PLA2G4F: variants seen among roughly 807,000 people sequenced by gnomAD.
PLA2G4F encodes cytosolic phospholipase A2 zeta.
A neutral mutation model predicts 103.1 loss-of-function variants in PLA2G4F; 105 were observed. The observed-to-expected ratio is 1.02, with a 90% CI of 0.87 to 1.20. The LOEUF is 1.20. PLA2G4F is among the 50% of genes most tolerant of loss of function. The pLI is 0.00. For missense variants in PLA2G4F, 1,155 were observed against 1,075.9 expected (o/e 1.07, Z -1.03); for synonymous variants, 468 against 441.1 (o/e 1.06, Z -0.76).
chr15:42,140,774 G>T lies in PLA2G4F; in HGVS notation c.*1210C>A, dbSNP rs528628648. The T allele has an allele frequency of 3.8e-4, 62 of 164,078 alleles. No individual in the cohort carries two copies. In the South Asian group the frequency reaches 0.01, roughly 27 times the overall value. The allele number at this position is 164,078 out of a possible 1,614,324, so 10.2% of individuals were successfully genotyped here. On this transcript the variant is annotated 3_prime_UTR_variant, in exon 20 of 20. Coordinates refer to ENST00000397272, the MANE Select transcript of PLA2G4F (RefSeq NM_213600.4). Reference sequence around the variant, plus strand: ...TGTGTGAGAGAGCATGGAGCAGGGGGTGCAGCCAAGAGGGAGCCCCTGGGA... The same window carrying T: ...TGTGTGAGAGAGCATGGAGCAGGGGTTGCAGCCAAGAGGGAGCCCCTGGGA...
At chr15:42,156,398 TC>T (rs1265328022) in intron 1 of PLA2G4F, 40 bp downstream of exon 1, 1 of 1,511,216 alleles carries the variant, frequency 6.6e-7, no homozygotes, top group Non-Finnish European at 9.0e-7. Context: ...CTCCCAGGAC[TC>T]CCCCAGTCCG....
intron 18 of PLA2G4F, 82 bp from the exon 19 acceptor site, chr15:42,142,796 T>C: frequency 1.4e-6 from 2 of 1,406,726 alleles, no homozygotes; most frequent in Non-Finnish European, 2.0e-6. Flanking sequence ...CGCCCAGGCT[T>C]CAATGCCAGC....
At chr15:42,147,003 A>T (rs958068962) in intron 13 of PLA2G4F, 121 bp downstream of exon 13, 1 of 980,800 alleles carries the variant, frequency 1.0e-6, no homozygotes, top group East Asian at 2.6e-5. Context: ...GCCCCAGGGG[A>T]GCCGAGAGCT....
intron 2 of PLA2G4F, among the ~76,000 whole-genome samples, 184 bp downstream of exon 2, chr15:42,155,321 TACTCACACTTGC>T (rs2049005381): frequency 6.6e-6 from 1 of 151,066 alleles, no homozygotes; most frequent in Admixed American, 6.6e-5. Context: ...TATACACATG[TACTCACACTTGC>T]ACTCACACAT....
At chr15:42,151,089 T>C (rs897143783) in intron 7 of PLA2G4F, 39 of 985,328 alleles carry the variant, frequency 4.0e-5, no homozygotes, top group Non-Finnish European at 4.7e-5. Context: ...TGATTTGAGA[T>C]GATTCTATGT....
At position 42,152,699 on chromosome 15, in the gene PLA2G4F, C is replaced by G. The variant is rs767005408; in HGVS notation, c.590G>C (p.Arg197Pro). 6.4e-7 allele frequency: 1 copy of G among 1,556,530 alleles called. No homozygotes were observed. The highest frequency in any genetic ancestry group is 8.7e-7 in the Non-Finnish European group (1 of 1,149,416). ...GTLRGDGTAP[R>P]EEYGSRQLQL... ...CTGAGCAGACTCACCGTACTCTTCC[C>G]GTGGGGCTGTCCCATCTCCCCGGAG... The change falls in exon 7 of 20, where the codon CGG becomes CCG. Residue 197 changes from arginine to proline, a missense_variant. This residue lies in a region of PLA2G4F where 370 missense variants were observed against 364.9 expected (regional missense o/e 1.01). Coordinates refer to ENST00000397272, the MANE Select transcript of PLA2G4F (RefSeq NM_213600.4).
intron 10 of PLA2G4F, 96 bp from the exon 11 acceptor site, chr15:42,149,944 G>A: frequency 6.5e-7 from 1 of 1,535,720 alleles, no homozygotes; most frequent in Non-Finnish European, 9.0e-7. Context: ...ACAGGAGCAG[G>A]TCCAAGGGAT....
At chr15:42,154,753 G>GT (rs973432549) in intron 2 of PLA2G4F, among the ~76,000 whole-genome samples, 1 of 152,124 alleles carries the variant, frequency 6.6e-6, no homozygotes, top group Non-Finnish European at 1.5e-5. Context: ...TCCCCTCCCT[G>GT]TGTGGGCACT....
At position 42,148,565 on chromosome 15, in the gene PLA2G4F, A is replaced by G. The variant is rs1595620883; in HGVS notation, c.1060-803T>C. 7 of 944,136 alleles carry G rather than the reference A, an allele frequency of 7.4e-6. No individual in the cohort carries two copies. In the African/African-American group the frequency reaches 8.9e-5, roughly 12 times the overall value. 58.5% of individuals were successfully genotyped at this position (944,136 alleles called of 1,614,324 possible). A position where few individuals can be genotyped will look rare whatever the true frequency, so the allele number is the denominator to read the frequency against. On this transcript the variant is annotated intron_variant, in intron 11 of 19. Coordinates refer to ENST00000397272, the MANE Select transcript of PLA2G4F (RefSeq NM_213600.4). ...CAGCAACAATGAAATCGATCTCTAC[A>G]CATGGATGAATGTCCCCAGGGGTGC...
intron 6 of PLA2G4F, among the ~76,000 whole-genome samples, chr15:42,153,085 C>T (rs1250478768): frequency 6.6e-6 from 1 of 152,224 alleles, no homozygotes; most frequent in Non-Finnish European, 1.5e-5. Context: ...AAGTGAGTAA[C>T]GTGCTGTGTG....
intron 7 of PLA2G4F, among the ~76,000 whole-genome samples, chr15:42,152,450 C>T (rs2048970361): frequency 6.6e-6 from 1 of 152,216 alleles, no homozygotes; most frequent in Non-Finnish European, 1.5e-5. Context: ...GCTTGTATGC[C>T]ACTGAGATCA....
At chr15:42,155,637 T>A in intron 1 of PLA2G4F, 48 bp from the exon 2 acceptor site, 1 of 1,570,206 alleles carries the variant, frequency 6.4e-7, no homozygotes, top group Non-Finnish European at 8.8e-7. Flanking sequence ...GTGAGCCTGG[T>A]CCCTCGCCCC....
intron 2 of PLA2G4F, among the ~76,000 whole-genome samples, chr15:42,155,091 G>A (rs375071598): frequency 0.017 from 2,526 of 148,016 alleles, 30 homozygotes; most frequent in Middle Eastern, 0.041. Context: ...ACGCACACAC[G>A]TATACACACA....
rs2048837118 is a variant in PLA2G4F at position 42,142,631 on chromosome 15, C to T, written c.2226G>A (p.Glu742=). 1.2e-6 allele frequency: 2 copies of T among 1,614,078 alleles called. No individual in the cohort carries two copies. Among genetic ancestry groups the T allele is most frequent in the Non-Finnish European group, 1.7e-6 (2 of 1,179,992 alleles). ...SIEVGPEDME[E]ARECYLFAKA... is the part of the protein sequence containing the mutation. ...TGGCAAACAGATAGCACTCACGGGC[C>T]TCCTCCATGTCCTCAGGGCCCACCT... is the stretch of plus-strand genomic sequence containing the variant. Residue 742 remains glutamate (E), a synonymous_variant, in exon 19 of 20, where the codon GAG becomes GAA. Coordinates refer to ENST00000397272, the MANE Select transcript of PLA2G4F (RefSeq NM_213600.4).
chr15:42,144,171 G>A, intron 17 of PLA2G4F, 27 bp from the exon 18 acceptor site: 1 of 1,582,396 alleles, frequency 6.3e-7, no homozygotes, highest in Non-Finnish European at 8.6e-7. Flanking sequence ...TGTACGCACA[G>A]GGACGAATGC....
Position 42,146,207 on chromosome 15 carries a change from G to A in PLA2G4F, c.1454C>T (p.Ala485Val), listed in dbSNP as rs149401636. 98 of 1,614,244 alleles carry A rather than the reference G, an allele frequency of 6.1e-5. No individual in the cohort carries two copies. The highest frequency in any genetic ancestry group is 3.9e-4 in the African/African-American group (29 of 75,070). ...NPAKLSDQQEAVRQGQNPYPI... is the reference protein window; with the variant it reads ...NPAKLSDQQEVVRQGQNPYPI... ...GTAAGGGTTCTGACCCTGGCGGACC[G>A]CCTCCTGTTGGTCAGACAGCTTGGC... Residue 485 changes from alanine to valine, a missense_variant, in exon 14 of 20, where the codon GCG becomes GTG. This residue lies in a region of PLA2G4F where 782 missense variants were observed against 692.9 expected (regional missense o/e 1.13). Transcript: ENST00000397272.
intron 18 of PLA2G4F, 73 bp from the exon 19 acceptor site, chr15:42,142,787 G>T: frequency 6.7e-7 from 1 of 1,490,416 alleles, no homozygotes; most frequent in Non-Finnish European, 9.3e-7. Flanking sequence ...ACTCACACAC[G>T]CCCAGGCTTC....
chr15:42,149,604 G>T, intron 11 of PLA2G4F, 109 bp downstream of exon 11: 3 of 1,502,754 alleles, frequency 2.0e-6, no homozygotes, highest in Non-Finnish European at 2.7e-6. Context: ...CAGCTCAGGT[G>T]AACAGGCCAA....
In PLA2G4F at chr15:42,146,178, T is replaced by C; in HGVS notation, c.1483A>G (p.Ile495Val). 1.9e-6 allele frequency: 3 copies of C among 1,614,196 alleles called. No homozygotes were observed. Among genetic ancestry groups the C allele is most frequent in the Non-Finnish European group, 2.5e-6 (3 of 1,180,030 alleles). Residue 495 changes from isoleucine to valine, a missense_variant, in exon 14 of 20, where the codon ATT becomes GTT. This residue lies in a region of PLA2G4F where 782 missense variants were observed against 692.9 expected (regional missense o/e 1.13). Transcript: ENST00000397272. ...AVRQGQNPYP[I>V]YTSVNVRTNL... ...GTGCGGACGTTGACACTGGTGTAAATGGGGTAAGGGTTCTGACCCTGGCGG... is the reference window on the plus strand; with the variant it reads ...GTGCGGACGTTGACACTGGTGTAAACGGGGTAAGGGTTCTGACCCTGGCGG...
Sources: allele counts gnomAD v4.1 joint callset (sites outside exome capture counted in the v4.1 genomes callset), GRCh38; gene constraint gnomAD v4.1.1; regional missense constraint gnomAD v4.1.1; transcripts MANE v1.5; gene names NCBI Gene and HGNC (gene_info 2026-07-23, HGNC 2026-07-21).